The following ZNF234 variants were observed in gnomAD, a reference collection of about 807,000 sequenced individuals.
The protein encoded by ZNF234 is zinc finger protein 234, also known as C2-H2 type zinc finger protein.
A neutral mutation model predicts 10.3 loss-of-function variants in ZNF234; 4 were observed. The ratio of observed to expected loss-of-function variants is 0.39; its 90% CI spans 0.19 to 0.89. The LOEUF (loss-of-function observed/expected upper bound fraction) is 0.89, where lower values mean the gene tolerates loss of function less well. Among genes scored for constraint, ZNF234 ranks in the 40% least tolerant of loss-of-function variants. The pLI, the probability that ZNF234 is intolerant of heterozygous loss-of-function variation, is 0.38. For missense variants in ZNF234, 711 were observed against 836.1 expected (o/e 0.85, Z 1.85); for synonymous variants, 258 against 280.1 (o/e 0.92, Z 0.79).
intron 3 of ZNF234, among the ~76,000 whole-genome samples, chr19:44,147,754 A>T (rs1206588085): frequency 6.6e-6 from 1 of 152,086 alleles, no homozygotes; most frequent in Non-Finnish European, 1.5e-5. Flanking sequence ...CGGGAGGCTG[A>T]GGCAGGAGAA....
At chr19:44,143,894 C>T in intron 2 of ZNF234, among the ~76,000 whole-genome samples, 1 of 152,052 alleles carries the variant, frequency 6.6e-6, no homozygotes, top group East Asian at 1.9e-4. Flanking sequence ...GACCAGCATC[C>T]CCTGTTCCCC....
chr19:44,145,164 G>A (rs976089056), intron 3 of ZNF234, among the ~76,000 whole-genome samples: 9 of 152,112 alleles, frequency 5.9e-5, no homozygotes, highest in East Asian at 1.9e-4. Flanking sequence ...CTCTGCTTAC[G>A]TATTAGCTGT....
chr19:44,145,763 A>G (rs1248534123), intron 3 of ZNF234, among the ~76,000 whole-genome samples: 1 of 152,244 alleles, frequency 6.6e-6, no homozygotes, highest in African/African-American at 2.4e-5. Flanking sequence ...ATATTGTTGG[A>G]GTTTTCATAT....
intron 5 of ZNF234, among the ~76,000 whole-genome samples, chr19:44,150,736 C>T (rs533163760): frequency 6.1e-4 from 93 of 152,128 alleles, no homozygotes; most frequent in Non-Finnish European, 1.2e-3. Context: ...AGTCAGATTG[C>T]CATTCCTCTA....
At position 44,157,548 on chromosome 19, in the gene ZNF234, C is replaced by T; in HGVS notation, c.1532C>T (p.Pro511Leu). ...IHCRIHTGEK[P>L]YNCEECGKVF... ...TGTAGGATCCACACAGGGGAGAAAC[C>T]ATATAATTGTGAGGAGTGTGGGAAG... Residue 511 changes from proline (P) to leucine (L), a missense_variant, in exon 6 of 6, where the codon CCA becomes CTA. Pro to Leu is a moderately conservative substitution (Grantham distance 98). Coordinates refer to ENST00000426739, the MANE Select transcript of ZNF234 (RefSeq NM_006630.3). 1 of 1,614,142 alleles carries T rather than the reference C, an allele frequency of 6.2e-7. No homozygotes were observed. The highest frequency in any genetic ancestry group is 8.5e-7 in the Non-Finnish European group (1 of 1,180,044).
chr19:44,144,630 A>G lies in ZNF234; in HGVS notation c.-3A>G. ...CTGCAAATTCCCAGAAACAGGAGGA[A>G]AAATGACCACATTCAAGGTGAATAA... is the stretch of plus-strand genomic sequence containing the variant. On this transcript the variant is annotated 5_prime_UTR_variant, in exon 3 of 6. Coordinates refer to ENST00000426739, the MANE Select transcript of ZNF234 (RefSeq NM_006630.3). 6.4e-7 allele frequency: 1 copy of G among 1,574,272 alleles called. No individual in the cohort carries two copies.
Position 44,157,946 on chromosome 19 carries a change from C to T in ZNF234, c.1930C>T (p.Arg644Ter), listed in dbSNP as rs537418600. ...SRSSQLQYHR[R>*]VHTGEKPYKC... ...GTCTTCACAATTACAGTATCATAGG[C>T]GAGTTCACACTGGGGAAAAACCTTA... Residue 644 changes from arginine to a stop codon, truncating the protein, a stop_gained, in exon 6 of 6, where the codon CGA (arginine) becomes TGA (stop). Coordinates refer to ENST00000426739, the MANE Select transcript of ZNF234 (RefSeq NM_006630.3). LOFTEE classifies it low-confidence loss of function (END_TRUNC). The T allele has an allele frequency of 2.5e-5, 41 of 1,613,634 alleles. No individual in the cohort carries two copies. Among genetic ancestry groups the T allele is most frequent in the East Asian group, 6.7e-5 (3 of 44,862 alleles).
rs1040568863 is a variant in ZNF234 at position 44,157,977 on chromosome 19, G to A, written c.1961G>A (p.Cys654Tyr). 1 of 1,613,922 alleles carries A rather than the reference G, an allele frequency of 6.2e-7. No individual in the cohort carries two copies. The highest frequency in any genetic ancestry group is 8.5e-7 in the Non-Finnish European group (1 of 1,179,876). The change falls in exon 6 of 6, where the codon TGT becomes TAT. Residue 654 changes from cysteine to tyrosine, a missense_variant. Coordinates refer to ENST00000426739, the MANE Select transcript of ZNF234 (RefSeq NM_006630.3). ...CACACTGGGGAAAAACCTTACAAAT[G>A]TGAGATATGTGGTAAGAGGTTCAGC... is the stretch of plus-strand genomic sequence containing the variant. ...RVHTGEKPYKCEICGKRFSWR... is the reference protein window; with the variant it reads ...RVHTGEKPYKYEICGKRFSWR...
At chr19:44,154,628 CTTTTTTTT>C (rs779013573) in intron 5 of ZNF234, among the ~76,000 whole-genome samples, 9 of 102,450 alleles carry the variant, frequency 8.8e-5, no homozygotes, top group Non-Finnish European at 1.4e-4. Context: ...TTCTCTTTTT[CTTTTTTTT>C]TTTTTTTTTT....
chr19:44,151,391 CAG>C (rs1252432334), intron 5 of ZNF234, among the ~76,000 whole-genome samples: 2 of 152,110 alleles, frequency 1.3e-5, no homozygotes, highest in East Asian at 3.9e-4. Context: ...TTTATAGAGA[CAG>C]GGTTTCACCA....
At position 44,156,955 on chromosome 19, in the gene ZNF234, G is replaced by T. The variant is rs1228254430; in HGVS notation, c.939G>T (p.Glu313Asp). 1 of 1,614,102 alleles carries T rather than the reference G, an allele frequency of 6.2e-7. No individual in the cohort carries two copies. Among genetic ancestry groups the T allele is most frequent in the South Asian group, 1.1e-5 (1 of 91,086 alleles). The change falls in exon 6 of 6, where the codon GAG becomes GAT. Residue 313 changes from glutamate (E) to aspartate (D), a missense_variant. By Grantham distance (45) the Glu-to-Asp change is conservative. Transcript: ENST00000426739. The stretch of plus-strand genomic sequence containing the variant: ...ATCATTGCATGGTCCACACAGGAGA[G>T]AAACCATACAAATGTGAGGACTGTG... ...LNNHCMVHTG[E>D]KPYKCEDCGK...
chr19:44,153,654 G>C (rs1196070266), intron 5 of ZNF234, among the ~76,000 whole-genome samples: 1 of 152,110 alleles, frequency 6.6e-6, no homozygotes, highest in East Asian at 1.9e-4. Context: ...AGTGATTCTT[G>C]CCACCTTCAA....
intron 4 of ZNF234, 136 bp downstream of exon 4, chr19:44,149,033 T>C (rs1968670250): frequency 9.8e-7 from 1 of 1,019,226 alleles, no homozygotes; most frequent in Admixed American, 2.7e-5. Flanking sequence ...TAGTTTTTAG[T>C]GAAATAAAAT....
In ZNF234 at chr19:44,158,711, A is replaced by C. The variant is rs1362840293; in HGVS notation, c.*592A>C. The C allele has an allele frequency of 6.5e-6, 1 of 154,090 alleles. No homozygotes were observed. Among genetic ancestry groups the C allele is most frequent in the East Asian group, 1.9e-4 (1 of 5,212 alleles). 9.5% of individuals were successfully genotyped at this position (154,090 alleles called of 1,614,324 possible). A position where few individuals can be genotyped will look rare whatever the true frequency, so the allele number is the denominator to read the frequency against. ...AAGTGGTACAGTAAAGCATTCTGTC[A>C]AAACTTTGACATTTATGACATGTTA... On this transcript the variant is annotated 3_prime_UTR_variant, in exon 6 of 6. Coordinates refer to ENST00000426739, the MANE Select transcript of ZNF234 (RefSeq NM_006630.3).
Position 44,146,821 on chromosome 19 carries a change from T to C in ZNF234, c.16-1950T>C, listed in dbSNP as rs1365754702. On this transcript the variant is annotated intron_variant, in intron 3 of 5. Coordinates refer to ENST00000426739, the MANE Select transcript of ZNF234 (RefSeq NM_006630.3). ...CTCTCTCTCTCTTTTTTTTTTTTTTTTTTTTTTTTTTTGAGACAGAGTCTG... is the reference window on the plus strand; with the variant it reads ...CTCTCTCTCTCTTTTTTTTTTTTTTCTTTTTTTTTTTTGAGACAGAGTCTG... Among the ~76,000 whole-genome samples the C allele has an allele frequency of 3.5e-5, 5 of 142,612 alleles. No individual in the cohort carries two copies. In the South Asian group the frequency reaches 7.1e-4, roughly 20 times the overall value. The allele number at this position is 142,612 out of a possible 152,430, so 93.6% of individuals were successfully genotyped here. A position where few individuals can be genotyped will look rare whatever the true frequency, so the allele number is the denominator to read the frequency against.
intron 4 of ZNF234, 32 bp from the exon 5 acceptor site, chr19:44,150,381 T>G (rs1193812479): frequency 1.3e-6 from 2 of 1,532,142 alleles, no homozygotes; most frequent in Non-Finnish European, 1.8e-6. Context: ...TTTAGTGTGT[T>G]TGTTTTAAAT....
rs1162095274 is a variant in ZNF234, at chr19:44,159,453, C to T, written c.*1334C>T. 8 of 287,926 alleles carry T rather than the reference C, an allele frequency of 2.8e-5. No homozygotes were observed. The highest frequency in any genetic ancestry group is 1.1e-4 in the African/African-American group (5 of 46,028). 17.8% of individuals were successfully genotyped at this position (287,926 alleles called of 1,614,324 possible). On this transcript the variant is annotated 3_prime_UTR_variant, in exon 6 of 6. Transcript: ENST00000426739. ...TGGCCTCCCAGTGTTAAATTACAGG[C>T]GTAAGCCACCACACCCGGCCAAGTT...
intron 3 of ZNF234, among the ~76,000 whole-genome samples, chr19:44,145,770 A>G: frequency 6.6e-6 from 1 of 152,240 alleles, no homozygotes; most frequent in East Asian, 1.9e-4. Flanking sequence ...TGGAGTTTTC[A>G]TATAGGAAGA....
intron 5 of ZNF234, among the ~76,000 whole-genome samples, chr19:44,151,507 A>G (rs1337085935): frequency 6.6e-6 from 1 of 152,136 alleles, no homozygotes; most frequent in African/African-American, 2.4e-5. Context: ...TGGACACTGC[A>G]TTTCTTACTG....
Sources: allele counts gnomAD v4.1 joint callset (sites outside exome capture counted in the v4.1 genomes callset), GRCh38; gene constraint gnomAD v4.1.1; transcripts MANE v1.5; gene names NCBI Gene and HGNC (gene_info 2026-07-23, HGNC 2026-07-21).